Variants in POLA1 observed in about 807,000 individuals in gnomAD.
POLA1 encodes the protein DNA polymerase alpha catalytic subunit.
In POLA1, 15 loss-of-function variants were observed where a neutral mutation model predicts 124.0. The observed-to-expected ratio is 0.12, with a 90% CI of 0.08 to 0.19. POLA1 has a LOEUF of 0.19. Ranked by LOEUF, POLA1 falls within the 10% of genes least tolerant of loss-of-function variation. The pLI is 1.00. For synonymous variants in POLA1, 408 were observed against 389.4 expected (o/e 1.05, Z -0.56); for missense variants, 886 against 1,103.4 (o/e 0.80, Z 2.79).
At chrX:24,709,260 C>T (rs935577108) in intron 4 of POLA1, among the ~76,000 whole-genome samples, 4 of 99,811 alleles carry the variant, frequency 4.0e-5, no homozygotes, top group African/African-American at 1.2e-4. Flanking sequence ...CCCCACCTCC[C>T]TCCCGGACGG....
intron 13 of POLA1, among the ~76,000 whole-genome samples, chrX:24,726,444 G>T: frequency 8.9e-6 from 1 of 112,167 alleles, no homozygotes; most frequent in Non-Finnish European, 1.9e-5. Context: ...TGACAGGCAA[G>T]GTCATTGCTA....
At chrX:24,901,554 G>T (rs1259400487) in intron 35 of POLA1, among the ~76,000 whole-genome samples, 1 of 111,486 alleles carries the variant, frequency 9.0e-6, no homozygotes, top group African/African-American at 3.3e-5. Context: ...GGGGAAATGG[G>T]GAGCTATTCA....
At chrX:24,985,076 G>T (rs1207906175) in intron 36 of POLA1, among the ~76,000 whole-genome samples, 1 of 112,084 alleles carries the variant, frequency 8.9e-6, no homozygotes, top group African/African-American at 3.2e-5. Context: ...GTTGTGAAAA[G>T]CCTCTTTGGT....
intron 28 of POLA1, among the ~76,000 whole-genome samples, chrX:24,811,895 T>C (rs1223993384): frequency 8.9e-6 from 1 of 112,588 alleles, no homozygotes; most frequent in Non-Finnish European, 1.9e-5. Flanking sequence ...TGTAGCCTCT[T>C]AATAGCAATT....
At chrX:24,956,427 T>C (rs1420580144) in intron 36 of POLA1, among the ~76,000 whole-genome samples, 2 of 110,225 alleles carry the variant, frequency 1.8e-5, no homozygotes, top group Admixed American at 9.7e-5. Context: ...CTTTATAGAT[T>C]AGTGTAGGGG....
intron 4 of POLA1, among the ~76,000 whole-genome samples, chrX:24,705,700 C>T (rs947952287): frequency 9.1e-6 from 1 of 110,424 alleles, no homozygotes; most frequent in African/African-American, 3.3e-5. Context: ...ACCTCCCCCC[C>T]TCCCCTGCCC....
intron 36 of POLA1, among the ~76,000 whole-genome samples, chrX:24,985,237 C>A (rs1399951204): frequency 8.9e-6 from 1 of 112,367 alleles, no homozygotes; most frequent in Non-Finnish European, 1.9e-5. Context: ...CTTTGAGGAC[C>A]AGTCTCCTTT....
chrX:24,900,811 A>G (rs1250469752), intron 35 of POLA1, among the ~76,000 whole-genome samples: 3 of 111,334 alleles, frequency 2.7e-5, no homozygotes, highest in African/African-American at 9.8e-5. Context: ...AAATCCTCCT[A>G]GGTTTTAGGG....
At position 24,756,945 on chromosome X, in the gene POLA1, C is replaced by G. The variant is rs751294782; in HGVS notation, c.2964+7953C>G. ...GAGGGATGAGTTCTAATTCTGTCTC[C>G]AGAATTTTTATAGCCACCATTAAGA... On this transcript the variant is annotated intron_variant, in intron 26 of 36. Coordinates refer to ENST00000379068, the MANE Select transcript of POLA1 (RefSeq NM_001330360.2). 4.3e-4 allele frequency among the ~76,000 whole-genome samples: 48 copies of G among 111,304 alleles called. 1 individual carries two copies. The South Asian group carries it at 0.013, about 31-fold the overall frequency.
At chrX:24,751,423 A>T (rs779330176) in intron 26 of POLA1, among the ~76,000 whole-genome samples, 1 of 112,135 alleles carries the variant, frequency 8.9e-6, no homozygotes, top group East Asian at 2.8e-4. Context: ...ACTATAAAAA[A>T]CCCTGTTCTC....
rs765980304 is a variant in POLA1 at position 24,703,367 on chromosome X, G to A, written c.265+20G>A. 1.9e-6 allele frequency: 2 copies of A among 1,042,783 alleles called. No homozygotes were observed. The highest frequency in any genetic ancestry group is 6.0e-5 in the East Asian group (2 of 33,119). 85.9% of individuals were successfully genotyped at this position (1,042,783 alleles called of 1,213,427 possible). A position where few individuals can be genotyped will look rare whatever the true frequency, so the allele number is the denominator to read the frequency against. Reference sequence around the variant, plus strand: ...ATGATGGTAGGTGGGGCGGAGGTGGGGGCGGGGATGTTGCTTCCTAGGCAC... The same window carrying A: ...ATGATGGTAGGTGGGGCGGAGGTGGAGGCGGGGATGTTGCTTCCTAGGCAC... On this transcript the variant is annotated intron_variant, in intron 3 of 36. Transcript: ENST00000379068.
At chrX:24,954,508 AC>A (rs1156762386) in intron 36 of POLA1, among the ~76,000 whole-genome samples, 1 of 112,519 alleles carries the variant, frequency 8.9e-6, no homozygotes, top group Admixed American at 9.4e-5. Context: ...TTAATTTCAT[AC>A]ATTCACACTT....
chrX:24,796,340 A>G (rs1327848797), intron 26 of POLA1, among the ~76,000 whole-genome samples: 1 of 111,778 alleles, frequency 8.9e-6, no homozygotes, highest in Non-Finnish European at 1.9e-5. Flanking sequence ...TGTATTAAGC[A>G]CTAGCCACCT....
At chrX:24,826,338 G>A in intron 31 of POLA1, 89 bp from the exon 32 acceptor site, 1 of 625,017 alleles carries the variant, frequency 1.6e-6, no homozygotes, top group Non-Finnish European at 2.3e-6. Context: ...TTGCCTCTCT[G>A]TTTGACCAAG....
chrX:24,900,613 A>C (rs1384953178), intron 35 of POLA1, among the ~76,000 whole-genome samples: 2 of 112,171 alleles, frequency 1.8e-5, no homozygotes. Context: ...CAACAGGACC[A>C]CCAAAGATGT....
intron 36 of POLA1, among the ~76,000 whole-genome samples, chrX:24,967,770 C>T (rs1363563668): frequency 9.0e-6 from 1 of 111,537 alleles, no homozygotes; most frequent in Non-Finnish European, 1.9e-5. Context: ...TGGAGGGCTG[C>T]TATTAGTGGC....
At chrX:24,873,773 C>T (rs1569345899) in intron 34 of POLA1, among the ~76,000 whole-genome samples, 1 of 111,713 alleles carries the variant, frequency 9.0e-6, no homozygotes, top group Non-Finnish European at 1.9e-5. Context: ...TATAGTGAAA[C>T]CCTGTCTGTA....
At chrX:24,838,959 G>A (rs2046376176) in intron 32 of POLA1, among the ~76,000 whole-genome samples, 1 of 111,995 alleles carries the variant, frequency 8.9e-6, no homozygotes, top group South Asian at 3.7e-4. Flanking sequence ...AAAAACTAAT[G>A]TATGTGTTGA....
intron 36 of POLA1, among the ~76,000 whole-genome samples, chrX:24,932,998 C>T (rs949470353): frequency 4.5e-5 from 5 of 111,601 alleles, no homozygotes; most frequent in African/African-American, 1.6e-4. Context: ...TCCTAAGAGT[C>T]ACCTGGGGCA....
Sources: allele counts gnomAD v4.1 joint callset (sites outside exome capture counted in the v4.1 genomes callset), GRCh38; gene constraint gnomAD v4.1.1; transcripts MANE v1.5; gene names NCBI Gene and HGNC (gene_info 2026-07-23, HGNC 2026-07-21).